Variants in GRID2 observed in about 807,000 individuals in gnomAD.
GRID2 encodes glutamate ionotropic receptor delta type subunit 2, also known as glutamate receptor ionotropic, delta-2.
A neutral mutation model predicts 114.8 loss-of-function variants in GRID2; 33 were observed. The ratio of observed to expected loss-of-function variants is 0.29; its 90% CI spans 0.22 to 0.38. The LOEUF is 0.38. Ranked by LOEUF, GRID2 falls within the 10% of genes least tolerant of loss-of-function variation. The pLI is 1.00. For missense variants in GRID2, 1,184 were observed against 1,257.7 expected (o/e 0.94, Z 0.89); for synonymous variants, 505 against 449.9 (o/e 1.12, Z -1.55).
intron 1 of GRID2, among the ~76,000 whole-genome samples, chr4:92,361,966 T>TG (rs1728640543): frequency 6.6e-6 from 1 of 151,898 alleles, no homozygotes; most frequent in Admixed American, 6.6e-5. Flanking sequence ...TTGTAGAGAG[T>TG]GCCCTGGAAA....
chr4:92,584,268 G>A (rs1262307843), intron 1 of GRID2, among the ~76,000 whole-genome samples: 1 of 151,722 alleles, frequency 6.6e-6, no homozygotes, highest in African/African-American at 2.4e-5. Flanking sequence ...AATTTCCACT[G>A]GCAATTGTAG....
chr4:92,550,418 A>G (rs909100917), intron 1 of GRID2, among the ~76,000 whole-genome samples: 1 of 152,208 alleles, frequency 6.6e-6, no homozygotes, highest in African/African-American at 2.4e-5. Flanking sequence ...ACAGATGTTC[A>G]TTAGACACCT....
intron 14 of GRID2, among the ~76,000 whole-genome samples, chr4:93,700,079 T>C (rs923826572): frequency 1.3e-5 from 2 of 152,124 alleles, no homozygotes; most frequent in Non-Finnish European, 1.5e-5. Flanking sequence ...AATATGCTAT[T>C]TTTAAAAAAT....
chr4:93,452,521 T>C (rs193204566), intron 10 of GRID2, among the ~76,000 whole-genome samples: 1 of 152,206 alleles, frequency 6.6e-6, no homozygotes, highest in African/African-American at 2.4e-5. Flanking sequence ...GTTGAATGCA[T>C]GAGACAGGAA....
chr4:93,197,388 A>G lies in GRID2; in HGVS notation c.736-10016A>G, dbSNP rs965316783. On this transcript the variant is annotated intron_variant, in intron 4 of 15. Coordinates refer to ENST00000282020, the MANE Select transcript of GRID2 (RefSeq NM_001510.4). ...CAGTTTCTTCATATTTAAAATGCAC[A>G]TAGTTGTAGTGTTTGCATGATAAGG... 2.6e-5 allele frequency among the ~76,000 whole-genome samples: 4 copies of G among 152,088 alleles called. No individual in the cohort carries two copies. In the East Asian group the frequency reaches 5.8e-4, roughly 22 times the overall value.
intron 2 of GRID2, among the ~76,000 whole-genome samples, chr4:92,703,379 TACTG>T (rs1288613531): frequency 6.6e-6 from 1 of 152,022 alleles, no homozygotes; most frequent in Admixed American, 6.6e-5. Flanking sequence ...TATTTAAAAA[TACTG>T]ACTTTAAAGA....
chr4:92,551,053 G>A (rs913330460), intron 1 of GRID2, among the ~76,000 whole-genome samples: 1 of 152,210 alleles, frequency 6.6e-6, no homozygotes, highest in East Asian at 1.9e-4. Flanking sequence ...GGTCTCACAA[G>A]ATAGTGTGCA....
intron 8 of GRID2, among the ~76,000 whole-genome samples, chr4:93,293,859 C>A (rs972034411): frequency 1.3e-5 from 2 of 152,024 alleles, no homozygotes; most frequent in African/African-American, 4.8e-5. Flanking sequence ...TGTACTAGAC[C>A]CCAAATGATA....
intron 2 of GRID2, among the ~76,000 whole-genome samples, chr4:92,830,278 A>T (rs1329777305): frequency 7.2e-5 from 11 of 151,974 alleles, no homozygotes; most frequent in Non-Finnish European, 4.4e-5. Flanking sequence ...TAAGTAGGAC[A>T]ACTGGGATTT....
intron 4 of GRID2, among the ~76,000 whole-genome samples, chr4:93,177,647 T>A (rs531976410): frequency 1.3e-5 from 2 of 152,280 alleles, no homozygotes; most frequent in African/African-American, 4.8e-5. Flanking sequence ...TAAAAATAAC[T>A]TTAGGGAAAA....
chr4:92,794,637 T>C (rs1162497009), intron 2 of GRID2, among the ~76,000 whole-genome samples: 1 of 151,514 alleles, frequency 6.6e-6, no homozygotes, highest in Admixed American at 6.6e-5. Context: ...CAGACGTTTG[T>C]CCTAGAAGTA....
At chr4:92,854,400 A>G (rs1744035735) in intron 2 of GRID2, among the ~76,000 whole-genome samples, 1 of 152,142 alleles carries the variant, frequency 6.6e-6, no homozygotes, top group South Asian at 2.1e-4. Context: ...AGAGACATTT[A>G]CTGAGAAAGC....
At chr4:93,163,238 T>C (rs1413363786) in intron 4 of GRID2, among the ~76,000 whole-genome samples, 1 of 150,912 alleles carries the variant, frequency 6.6e-6, no homozygotes, top group Admixed American at 6.6e-5. Flanking sequence ...TGATTTAATT[T>C]TTATGTGCAT....
chr4:93,769,317 G>A lies in GRID2; in HGVS notation c.2468G>A (p.Gly823Glu), dbSNP rs370594164. The change falls in exon 15 of 16, where the codon GGA becomes GAA. Residue 823 changes from glycine to glutamate, a missense_variant. Coordinates refer to ENST00000282020, the MANE Select transcript of GRID2 (RefSeq NM_001510.4). ...LYSSVDTKQK[G>E]GALDIKSFAG... ...TCGTCAGTGGACACAAAGCAGAAAG[G>A]AGGCGCCCTGGACATAAAGAGCTTT... is the stretch of plus-strand genomic sequence containing the variant. 5.6e-6 allele frequency: 9 copies of A among 1,614,132 alleles called. No homozygotes were observed. The highest frequency in any genetic ancestry group is 6.8e-6 in the Non-Finnish European group (8 of 1,179,986).
chr4:92,712,496 A>T (rs1735305802), intron 2 of GRID2, among the ~76,000 whole-genome samples: 2 of 152,158 alleles, frequency 1.3e-5, no homozygotes, highest in African/African-American at 4.8e-5. Flanking sequence ...TATATTAACA[A>T]TTATGGTTTC....
At chr4:93,444,894 A>G (rs1456869864) in intron 10 of GRID2, among the ~76,000 whole-genome samples, 3 of 152,014 alleles carry the variant, frequency 2.0e-5, no homozygotes, top group Non-Finnish European at 4.4e-5. Flanking sequence ...AACAGTGTTT[A>G]CATATGAGGA....
intron 1 of GRID2, among the ~76,000 whole-genome samples, chr4:93,783,400 G>A (rs943778739): frequency 1.3e-5 from 2 of 152,136 alleles, no homozygotes; most frequent in African/African-American, 4.8e-5. Flanking sequence ...CTCCTCAATG[G>A]GCTATTTCAG....
chr4:93,088,827 A>G (rs1390571138), intron 3 of GRID2, among the ~76,000 whole-genome samples: 1 of 152,138 alleles, frequency 6.6e-6, no homozygotes, highest in African/African-American at 2.4e-5. Context: ...TAACTTGTTC[A>G]CAAAAAACAT....
At chr4:92,676,459 C>T (rs1055302865) in intron 2 of GRID2, among the ~76,000 whole-genome samples, 8 of 152,062 alleles carry the variant, frequency 5.3e-5, no homozygotes, top group Non-Finnish European at 7.4e-5. Context: ...GGATTACAGG[C>T]ATGAGCCACC....
Sources: gnomAD v4.1 joint callset for allele counts (sites outside exome capture counted in the v4.1 genomes callset) on GRCh38, gnomAD v4.1.1 for gene constraint, MANE v1.5 for transcripts, NCBI Gene and HGNC (gene_info 2026-07-23, HGNC 2026-07-21) for gene names.